The following SERINC1 variants were observed in gnomAD, a reference collection of about 807,000 sequenced individuals.
The protein encoded by SERINC1 is serine incorporator 1.
SERINC1 carries 38 observed loss-of-function variants against 52.9 expected under a neutral mutation model. The ratio of observed to expected loss-of-function variants is 0.72; its 90% CI spans 0.55 to 0.94. SERINC1 has a LOEUF of 0.94. Ranked by LOEUF, SERINC1 falls within the 40% of genes least tolerant of loss-of-function variation. SERINC1 has a pLI of 0.00. For missense variants in SERINC1, 471 were observed against 533.9 expected, an observed-to-expected ratio of 0.88 and a Z score of 1.16; for synonymous variants, 198 against 183.1, an observed-to-expected ratio of 1.08 and a Z score of -0.66.
At chr6:122,470,247 C>T (rs1775257495) in intron 1 of SERINC1, among the ~76,000 whole-genome samples, 1 of 152,210 alleles carries the variant, frequency 6.6e-6, no homozygotes, top group African/African-American at 2.4e-5. Context: ...TTTTAATGTA[C>T]TTCGCTATTA....
chr6:122,468,183 A>C (rs926436298), intron 1 of SERINC1, among the ~76,000 whole-genome samples: 2 of 152,236 alleles, frequency 1.3e-5, no homozygotes, highest in Non-Finnish European at 2.9e-5. Flanking sequence ...ATCTAAAATT[A>C]AAATGTCCTT....
rs142669621 is a variant in SERINC1 at position 122,447,149 on chromosome 6, G to T, written c.967C>A (p.Leu323Ile). ...GAATAAAATACACACAACAAAAAGAGAATTAGTCCTATAATTCCTTGAGCA... is the reference window on the plus strand; with the variant it reads ...GAATAAAATACACACAACAAAAAGATAATTAGTCCTATAATTCCTTGAGCA... ...WHAQGIIGLILFLLCVFYSSI... is the reference protein window; with the variant it reads ...WHAQGIIGLIIFLLCVFYSSI... Residue 323 changes from leucine to isoleucine, a missense_variant, in exon 8 of 10, where the codon CTC (leucine) becomes ATC (isoleucine). By Grantham distance (5) the Leu-to-Ile change is conservative. Transcript: ENST00000339697. 14 of 1,613,232 alleles carry T rather than the reference G, an allele frequency of 8.7e-6. No homozygotes were observed. The African/African-American group carries it at 1.3e-4, about 15-fold the overall frequency.
Position 122,451,776 on chromosome 6 carries a change from A to AAAAAAAATATATAT in SERINC1, c.760-23_760-22insATATATATTTTTTT. 1.6e-3 allele frequency: 179 copies of AAAAAAAATATATAT among 112,962 alleles called. 4 individuals are homozygous for AAAAAAAATATATAT. The highest frequency in any genetic ancestry group is 6.8e-3 in the African/African-American group (91 of 13,416). The allele number at this position is 112,962 out of a possible 1,614,324, so 7.0% of individuals were successfully genotyped here. On this transcript the variant is annotated intron_variant, in intron 6 of 9. Transcript: ENST00000339697. ...ATTCCTACAAAAAAAAAAAAAAAAAAATATATATATATATATATAGCAACA... is the reference window on the plus strand; with the variant it reads ...ATTCCTACAAAAAAAAAAAAAAAAAAAAAAAAATATATATATATATATATATATATATAGCAACA...
chr6:122,455,465 T>A (rs1407870733), intron 3 of SERINC1, among the ~76,000 whole-genome samples: 1 of 152,126 alleles, frequency 6.6e-6, no homozygotes, highest in African/African-American at 2.4e-5. Context: ...CTGTGCTGGA[T>A]GCTCCCTGCC....
rs570037870 is a variant in SERINC1 at position 122,470,635 on chromosome 6, G to A, written c.39+1064C>T. ...ATATAATCAAAAGAACAGACTGGCT[G>A]GAGTAACAATCCCCACATTATTATT... On this transcript the variant is annotated intron_variant, in intron 1 of 9. Coordinates refer to ENST00000339697, the MANE Select transcript of SERINC1 (RefSeq NM_020755.4). 8.5e-5 allele frequency among the ~76,000 whole-genome samples: 13 copies of A among 152,230 alleles called. No homozygotes were observed. In the South Asian group the frequency reaches 2.7e-3, roughly 32 times the overall value.
At chr6:122,458,465 T>C in intron 2 of SERINC1, 55 bp downstream of exon 2, 1 of 1,204,024 alleles carries the variant, frequency 8.3e-7, no homozygotes, top group Admixed American at 2.0e-5. Flanking sequence ...ATTTTATACA[T>C]ATACATATAT....
rs1010981061 is a variant in SERINC1 at position 122,444,788 on chromosome 6, A to C, written c.*256T>G. 1.3e-5 allele frequency: 5 copies of C among 392,300 alleles called. No homozygotes were observed. Among genetic ancestry groups the C allele is most frequent in the African/African-American group, 1.0e-4 (5 of 48,002 alleles). The allele number at this position is 392,300 out of a possible 1,614,324, so 24.3% of individuals were successfully genotyped here. A position where few individuals can be genotyped will look rare whatever the true frequency, so the allele number is the denominator to read the frequency against. ...TCTTCATTTCACAACTATAGAGCAGAGAATAAGCCCAATAATGGCCACTTT... is the reference window on the plus strand; with the variant it reads ...TCTTCATTTCACAACTATAGAGCAGCGAATAAGCCCAATAATGGCCACTTT... On this transcript the variant is annotated 3_prime_UTR_variant, in exon 10 of 10. Transcript: ENST00000339697.
chr6:122,453,143 T>C lies in SERINC1; in HGVS notation c.589+627A>G, dbSNP rs1323554383. On this transcript the variant is annotated intron_variant, in intron 5 of 9. Transcript: ENST00000339697. ...TCATTGTAGTCTATTTGCACAAAGC[T>C]TATGCACTTAAACTCTGTCCTCCTG... Among the ~76,000 whole-genome samples the C allele has an allele frequency of 2.0e-5, 3 of 152,200 alleles. No individual in the cohort carries two copies. The East Asian group carries it at 5.8e-4, about 29-fold the overall frequency.
chr6:122,467,139 C>T (rs1159347265), intron 1 of SERINC1, among the ~76,000 whole-genome samples: 2 of 152,154 alleles, frequency 1.3e-5, no homozygotes, highest in Non-Finnish European at 2.9e-5. Flanking sequence ...AGGAAATGTA[C>T]ATCCTCATTA....
chr6:122,452,056 G>T lies in SERINC1; in HGVS notation c.591C>A (p.Ala197=). 6.7e-7 allele frequency: 1 copy of T among 1,499,056 alleles called. No individual in the cohort carries two copies. The allele number at this position is 1,499,056 out of a possible 1,614,324, so 92.9% of individuals were successfully genotyped here. The change falls in exon 6 of 10, where the codon GCC becomes GCA. Residue 197 remains alanine, a splice_region_variant and synonymous_variant. Transcript: ENST00000339697. The part of the protein sequence containing the change: ...EEGNSRCWYA[A]LLSATALNYL... ...AATTCAGAGCTGTAGCTGATAACAAGGCTGTGAAAGAAATATAATTGGATA... is the reference window on the plus strand; with the variant it reads ...AATTCAGAGCTGTAGCTGATAACAATGCTGTGAAAGAAATATAATTGGATA...
Position 122,456,488 on chromosome 6 carries a change from G to A in SERINC1, c.364C>T (p.His122Tyr), listed in dbSNP as rs900411000. ...KSSSDPRAAV[H>Y]NGFWFFKFAA... Reference sequence around the variant, plus strand: ...GCTTATTTAAAAACTTACCCATTGTGCACTGCAGCTCTAGGATCACTGCTA... The same window carrying A: ...GCTTATTTAAAAACTTACCCATTGTACACTGCAGCTCTAGGATCACTGCTA... Residue 122 changes from histidine to tyrosine, a missense_variant, in exon 3 of 10, where the codon CAC becomes TAC. Physicochemically the swap from His to Tyr is moderately conservative, Grantham distance 83. Transcript: ENST00000339697. The A allele has an allele frequency of 6.3e-7, 1 of 1,575,996 alleles. No homozygotes were observed. The highest frequency in any genetic ancestry group is 8.6e-7 in the Non-Finnish European group (1 of 1,164,718).
At chr6:122,464,169 C>A (rs9968861) in intron 1 of SERINC1, among the ~76,000 whole-genome samples, 1 of 151,910 alleles carries the variant, frequency 6.6e-6, no homozygotes, top group Non-Finnish European at 1.5e-5. Context: ...TTAGGATGAT[C>A]GATGTTCCAA....
chr6:122,451,129 T>C (rs1475286131), intron 7 of SERINC1, among the ~76,000 whole-genome samples: 3 of 152,110 alleles, frequency 2.0e-5, no homozygotes, highest in Non-Finnish European at 2.9e-5. Flanking sequence ...GCAAACTTCA[T>C]TGTGGTCTTA....
chr6:122,456,425 A>G, intron 3 of SERINC1, 56 bp downstream of exon 3: 4 of 1,096,134 alleles, frequency 3.6e-6, no homozygotes, highest in Non-Finnish European at 3.7e-6. Context: ...ATAAACTGGC[A>G]ATTATCAAGA....
chr6:122,460,551 C>T (rs140419259), intron 1 of SERINC1, among the ~76,000 whole-genome samples: 78 of 152,212 alleles, frequency 5.1e-4, no homozygotes, highest in African/African-American at 1.5e-3. Context: ...TTGCACTTAA[C>T]GAAACCTAAA....
At chr6:122,452,179 T>C (rs567997807) in intron 5 of SERINC1, 122 bp from the exon 6 acceptor site, 14 of 563,502 alleles carry the variant, frequency 2.5e-5, no homozygotes, top group South Asian at 2.1e-4. Flanking sequence ...GCAACTAACA[T>C]TGTCAGCATT....
chr6:122,454,482 T>A (rs1007118814), intron 3 of SERINC1: 5 of 356,218 alleles, frequency 1.4e-5, no homozygotes, highest in Admixed American at 7.6e-5. Context: ...ATATTATAGA[T>A]CTTTCCAATT....
intron 1 of SERINC1, among the ~76,000 whole-genome samples, chr6:122,468,859 A>G (rs186377286): frequency 9.8e-5 from 15 of 152,308 alleles, no homozygotes; most frequent in Non-Finnish European, 1.5e-4. Context: ...ACTAAACTAA[A>G]TATCTTGATA....
In SERINC1 at chr6:122,443,839, T is replaced by G. The variant is rs567140661; in HGVS notation, c.*1205A>C. ...AGAGAGAATGCTATTATTGGCCAAC[T>G]TGAAATTTCCTAATTAGCTATCTGA... On this transcript the variant is annotated 3_prime_UTR_variant, in exon 10 of 10. Transcript: ENST00000339697. 2.6e-5 allele frequency: 4 copies of G among 152,178 alleles called. No homozygotes were observed. Among genetic ancestry groups the G allele is most frequent in the Admixed American group, 2.6e-4 (4 of 15,276 alleles). 9.4% of individuals were successfully genotyped at this position (152,178 alleles called of 1,614,324 possible).
Sources: allele counts gnomAD v4.1 joint callset (sites outside exome capture counted in the v4.1 genomes callset), GRCh38; gene constraint gnomAD v4.1.1; transcripts MANE v1.5; gene names NCBI Gene and HGNC (gene_info 2026-07-23, HGNC 2026-07-21).